Variants in ZW10 observed in about 807,000 individuals in gnomAD.
ZW10 encodes the protein zw10 kinetochore protein.
ZW10 carries 53 observed loss-of-function variants against 87.8 expected under a neutral mutation model. The observed-to-expected ratio is 0.60, with a 90% confidence interval of 0.48 to 0.76. ZW10 has a LOEUF of 0.76. Among genes scored for constraint, ZW10 ranks in the 30% least tolerant of loss-of-function variants. ZW10 has a pLI of 0.00. For missense variants in ZW10, 837 were observed against 923.0 expected, an observed-to-expected ratio of 0.91 and a Z score of 1.21; for synonymous variants, 312 against 329.2, an observed-to-expected ratio of 0.95 and a Z score of 0.57.
intron 2 of ZW10, among the ~76,000 whole-genome samples, chr11:113,764,032 T>G (rs1272900111): frequency 6.6e-6 from 1 of 152,222 alleles, no homozygotes; most frequent in Non-Finnish European, 1.5e-5. Context: ...GAGTTAATTT[T>G]TGTGTAAGGT....
rs1404642275 is a variant in ZW10, at chr11:113,743,703, G to A, written c.1511+99C>T. ...GAAAAAGCATTAACTTCTAGGATAT[G>A]AAAACCCAAAGAATTCCAGCTAATT... On this transcript the variant is annotated intron_variant, in intron 10 of 15. Transcript: ENST00000200135. The A allele has an allele frequency of 5.0e-6, 5 of 996,128 alleles. No homozygotes were observed. The Admixed American group carries it at 6.2e-5, about 12-fold the overall frequency. The allele number at this position is 996,128 out of a possible 1,614,324, so 61.7% of individuals were successfully genotyped here. A position where few individuals can be genotyped will look rare whatever the true frequency, so the allele number is the denominator to read the frequency against.
intron 7 of ZW10, among the ~76,000 whole-genome samples, chr11:113,757,223 G>T (rs766363089): frequency 3.9e-5 from 6 of 151,998 alleles, no homozygotes; most frequent in Non-Finnish European, 8.8e-5. Context: ...AATACACCAA[G>T]ATCAACAGGC....
intron 12 of ZW10, 39 bp from the exon 13 acceptor site, chr11:113,738,433 C>T: frequency 6.3e-7 from 1 of 1,597,860 alleles, no homozygotes; most frequent in Non-Finnish European, 8.5e-7. Context: ...TTAAAAGCTG[C>T]TCAATTACAC....
chr11:113,736,492 C>T, intron 15 of ZW10, 128 bp downstream of exon 15: 3 of 885,718 alleles, frequency 3.4e-6, no homozygotes, highest in Admixed American at 2.0e-5. Context: ...GCCCCAGCTA[C>T]TGCTACTCAA....
chr11:113,736,877 G>A, intron 14 of ZW10, 55 bp from the exon 15 acceptor site: 7 of 1,555,906 alleles, frequency 4.5e-6, no homozygotes, highest in Middle Eastern at 3.4e-4. Context: ...CTCAGAAGTG[G>A]GGAAAGGGCA....
intron 1 of ZW10, chr11:113,769,660 A>G (rs999872262): frequency 3.5e-5 from 11 of 313,492 alleles, no homozygotes; most frequent in Non-Finnish European, 7.1e-5. Context: ...TCCAGGCATC[A>G]TGTACTACAA....
chr11:113,733,713 G>A lies in ZW10; in HGVS notation c.2321C>T (p.Ala774Val), dbSNP rs779527346. 1.2e-6 allele frequency: 2 copies of A among 1,613,912 alleles called. No homozygotes were observed. Among genetic ancestry groups the A allele is most frequent in the African/African-American group, 2.7e-5 (2 of 74,904 alleles). ...LFQNTERRAA[A>V]LAKIK ...ATGGAGCTATTTAATTTTAGCAAGG[G>A]CAGCTGCTCTTCTTTCTGTGTTCTG... The change falls in exon 16 of 16, where the codon GCC becomes GTC. Residue 774 changes from alanine (A) to valine (V), a missense_variant. Transcript: ENST00000200135.
At chr11:113,735,107 C>T (rs1565278041) in intron 15 of ZW10, among the ~76,000 whole-genome samples, 1 of 151,990 alleles carries the variant, frequency 6.6e-6, no homozygotes, top group African/African-American at 2.4e-5. Context: ...TTTTTCTTTA[C>T]ATTATAAATA....
chr11:113,750,135 A>G (rs1189482291), intron 7 of ZW10, among the ~76,000 whole-genome samples: 1 of 152,210 alleles, frequency 6.6e-6, no homozygotes, highest in Non-Finnish European at 1.5e-5. Context: ...AAAGCATACT[A>G]TTGATACAGT....
chr11:113,748,798 T>G (rs1209574053), intron 7 of ZW10, among the ~76,000 whole-genome samples: 2 of 152,224 alleles, frequency 1.3e-5, no homozygotes, highest in Non-Finnish European at 2.9e-5. Context: ...CATACTTTTT[T>G]CGTCTCTGCA....
intron 7 of ZW10, among the ~76,000 whole-genome samples, chr11:113,756,106 A>G (rs1417445117): frequency 1.3e-5 from 2 of 152,188 alleles, no homozygotes; most frequent in Non-Finnish European, 2.9e-5. Flanking sequence ...TTAAGGAGGT[A>G]ATTAAGGTTA....
intron 2 of ZW10, among the ~76,000 whole-genome samples, chr11:113,767,416 C>A (rs1411968919): frequency 6.6e-6 from 1 of 152,054 alleles, no homozygotes; most frequent in African/African-American, 2.4e-5. Flanking sequence ...CCCCAGTTAT[C>A]CCTGACTCCT....
intron 10 of ZW10, 106 bp from the exon 11 acceptor site, chr11:113,741,871 C>T: frequency 3.0e-6 from 2 of 661,444 alleles, no homozygotes; most frequent in Non-Finnish European, 5.1e-6. Flanking sequence ...GCTAAAACTA[C>T]AGTTGCACAG....
At chr11:113,754,112 C>T (rs918923260) in intron 7 of ZW10, among the ~76,000 whole-genome samples, 4 of 152,200 alleles carry the variant, frequency 2.6e-5, no homozygotes, top group Non-Finnish European at 4.4e-5. Context: ...AAGCTTCAAA[C>T]GATAGGCTGA....
Position 113,747,579 on chromosome 11 carries a change from A to G in ZW10, c.1224T>C (p.Ile408=). The change falls in exon 9 of 16, where the codon ATT becomes ATC. Residue 408 remains isoleucine (I), a synonymous_variant. Coordinates refer to ENST00000200135, the MANE Select transcript of ZW10 (RefSeq NM_004724.4). The part of the protein sequence containing the change: ...HFANKKCQDV[I]VAARNLMTSE... ...AGGTCATTAGATTTCTGGCTGCCAC[A>G]ATCACATCCTGGCACTTTTTGTTTG... 6.2e-7 allele frequency: 1 copy of G among 1,613,740 alleles called. No homozygotes were observed. Among genetic ancestry groups the G allele is most frequent in the South Asian group, 1.1e-5 (1 of 91,038 alleles).
At chr11:113,761,037 T>C in intron 2 of ZW10, 119 bp from the exon 3 acceptor site, 2 of 739,792 alleles carry the variant, frequency 2.7e-6, no homozygotes, top group Non-Finnish European at 4.3e-6. Flanking sequence ...ATTTAAATGC[T>C]AGTTAAGACT....
chr11:113,751,143 C>G (rs970447198), intron 7 of ZW10: 6 of 219,540 alleles, frequency 2.7e-5, no homozygotes, highest in African/African-American at 1.4e-4. Context: ...AACCAATATC[C>G]TTCGCATACT....
intron 1 of ZW10, chr11:113,769,696 G>T: frequency 2.8e-6 from 1 of 360,842 alleles, no homozygotes; most frequent in South Asian, 2.4e-5. Flanking sequence ...GTTTGAGTTG[G>T]TGGGAGCATG....
Position 113,760,371 on chromosome 11 carries a change from G to C in ZW10, c.421-3C>G, listed in dbSNP as rs1475183518. The C allele has an allele frequency of 1.2e-6, 2 of 1,613,472 alleles. No individual in the cohort carries two copies. Among genetic ancestry groups the C allele is most frequent in the Non-Finnish European group, 8.5e-7 (1 of 1,179,860 alleles). ...AATAACTTCAAGCATTTCTGTGCCT[G>C]GTAACGAAATGGAATCACTGTTAAA... On this transcript the variant is annotated splice_region_variant and splice_polypyrimidine_tract_variant and intron_variant, in intron 4 of 15. Coordinates refer to ENST00000200135, the MANE Select transcript of ZW10 (RefSeq NM_004724.4).
Sources: gnomAD v4.1 joint callset for allele counts (sites outside exome capture counted in the v4.1 genomes callset) on GRCh38, gnomAD v4.1.1 for gene constraint, MANE v1.5 for transcripts, NCBI Gene and HGNC (gene_info 2026-07-23, HGNC 2026-07-21) for gene names.